The following TCEANC2 variants were observed in gnomAD, a reference collection of about 807,000 sequenced individuals.
TCEANC2 encodes transcription elongation factor A N-terminal and central domain-containing protein 2.
A neutral mutation model predicts 22.8 loss-of-function variants in TCEANC2; 20 were observed. The observed-to-expected ratio is 0.88, with a 90% CI of 0.62 to 1.28. TCEANC2 has a LOEUF of 1.28. TCEANC2 is among the 50% of genes most tolerant of loss of function. The pLI, the probability that TCEANC2 is intolerant of heterozygous loss-of-function variation, is 0.00. For missense variants in TCEANC2, 251 were observed against 249.7 expected (o/e 1.01, Z -0.03); for synonymous variants, 84 against 95.5 (o/e 0.88, Z 0.70).
chr1:54,097,853 C>T lies in TCEANC2; in HGVS notation c.*1380C>T, dbSNP rs1403359490. The T allele has an allele frequency of 1.3e-5, 2 of 152,104 alleles. No homozygotes were observed. Among genetic ancestry groups the T allele is most frequent in the African/African-American group, 4.8e-5 (2 of 41,414 alleles). 9.4% of individuals were successfully genotyped at this position (152,104 alleles called of 1,614,324 possible). On this transcript the variant is annotated 3_prime_UTR_variant, in exon 5 of 5. Transcript: ENST00000234827. ...TTCCTACTGCTAGTAACTATTGGAG[C>T]TAGAATAATAATAATCGAGCGTTTA... is the stretch of plus-strand genomic sequence containing the variant.
chr1:54,088,742 G>T lies in TCEANC2; in HGVS notation c.390G>T (p.Ser130=). The change falls in exon 4 of 5, where the codon TCG becomes TCT. Residue 130 remains serine (S), a synonymous_variant. Coordinates refer to ENST00000234827, the MANE Select transcript of TCEANC2 (RefSeq NM_153035.3). ...IEVRSDPKTE[S]LRKNAQKLLS... is the part of the protein sequence containing the mutation. ...TTAGAAGTGATCCCAAAACCGAGTC[G>T]TTGAGGAAAAATGCTCAGAAATTAC... 6.3e-7 allele frequency: 1 copy of T among 1,599,370 alleles called. No individual in the cohort carries two copies. The highest frequency in any genetic ancestry group is 1.1e-5 in the South Asian group (1 of 88,628).
intron 3 of TCEANC2, among the ~76,000 whole-genome samples, chr1:54,074,568 T>C (rs1388804798): frequency 6.6e-6 from 1 of 152,006 alleles, no homozygotes; most frequent in Non-Finnish European, 1.5e-5. Context: ...TTTAAGGACT[T>C]ATAGAAGAAA....
chr1:54,054,673 T>C (rs774517986), intron 2 of TCEANC2, 149 bp downstream of exon 2: 1 of 769,958 alleles, frequency 1.3e-6, no homozygotes, highest in South Asian at 2.1e-5. Context: ...GTTTCGCCCA[T>C]AGCTGTACAG....
At chr1:54,081,314 G>A (rs1019893093) in intron 3 of TCEANC2, among the ~76,000 whole-genome samples, 4 of 152,052 alleles carry the variant, frequency 2.6e-5, no homozygotes, top group African/African-American at 9.7e-5. Flanking sequence ...CTGCAGCCTC[G>A]AACTCCTGGG....
chr1:54,091,757 C>T (rs2100384256), intron 4 of TCEANC2, among the ~76,000 whole-genome samples: 1 of 152,304 alleles, frequency 6.6e-6, no homozygotes, highest in East Asian at 1.9e-4. Context: ...TGTTCTTCCC[C>T]ATCTTTTAGA....
intron 3 of TCEANC2, among the ~76,000 whole-genome samples, chr1:54,073,090 C>T (rs372136397): frequency 1.3e-5 from 2 of 152,066 alleles, no homozygotes; most frequent in Non-Finnish European, 2.9e-5. Context: ...CTCAGCCTTC[C>T]GAGTAGCTGG....
chr1:54,076,860 TAAAC>T (rs1386376737), intron 3 of TCEANC2, among the ~76,000 whole-genome samples: 1 of 152,140 alleles, frequency 6.6e-6, no homozygotes, highest in African/African-American at 2.4e-5. Flanking sequence ...AGAAACATAA[TAAAC>T]AAATTGTGTA....
At chr1:54,069,997 T>C in intron 3 of TCEANC2, among the ~76,000 whole-genome samples, 1 of 152,206 alleles carries the variant, frequency 6.6e-6, no homozygotes, top group Non-Finnish European at 1.5e-5. Flanking sequence ...ATTGCCTTGG[T>C]CTGCCTCCCC....
chr1:54,068,703 A>G (rs1230571768), intron 2 of TCEANC2, 53 bp from the exon 3 acceptor site: 4 of 1,554,314 alleles, frequency 2.6e-6, no homozygotes, highest in African/African-American at 2.8e-5. Flanking sequence ...GTGAAGGCAG[A>G]TGTCTTTCTA....
At chr1:54,072,695 TC>T (rs1482870017) in intron 3 of TCEANC2, among the ~76,000 whole-genome samples, 3 of 152,238 alleles carry the variant, frequency 2.0e-5, no homozygotes, top group Non-Finnish European at 4.4e-5. Context: ...GGCCTTGGCC[TC>T]CCAAAGTGCT....
chr1:54,109,894 G>A (rs1331393628), downstream of TCEANC2, among the ~76,000 whole-genome samples: 1 of 152,198 alleles, frequency 6.6e-6, no homozygotes, highest in Non-Finnish European at 1.5e-5. Context: ...CATAGCCTGT[G>A]GCAGGTTTAC....
downstream of TCEANC2, among the ~76,000 whole-genome samples, chr1:54,106,554 A>G (rs1658758418): frequency 6.6e-6 from 1 of 152,190 alleles, no homozygotes; most frequent in East Asian, 1.9e-4. Context: ...AGTGCATCTC[A>G]GTTTGGGCTA....
Position 54,096,800 on chromosome 1 carries a change from C to A in TCEANC2, c.*327C>A. 9.6e-7 allele frequency: 1 copy of A among 1,039,756 alleles called. No homozygotes were observed. The highest frequency in any genetic ancestry group is 7.6e-5 in the East Asian group (1 of 13,126). 64.4% of individuals were successfully genotyped at this position (1,039,756 alleles called of 1,614,324 possible). A position where few individuals can be genotyped will look rare whatever the true frequency, so the allele number is the denominator to read the frequency against. ...GCCAAGGACACCTCTAAACTTCCCC[C>A]ATGTCAGTCAGATGAAGTTACTACT... On this transcript the variant is annotated 3_prime_UTR_variant, in exon 5 of 5. Coordinates refer to ENST00000234827, the MANE Select transcript of TCEANC2 (RefSeq NM_153035.3). The surrounding 1 kb of genome is among the most constrained non-coding windows in gnomAD (Gnocchi z 4.9).
At chr1:54,087,361 A>T (rs1229436788) in intron 3 of TCEANC2, among the ~76,000 whole-genome samples, 1 of 152,206 alleles carries the variant, frequency 6.6e-6, no homozygotes, top group Non-Finnish European at 1.5e-5. Flanking sequence ...TAACTCTCAT[A>T]TGCCCTTCAT....
intron 3 of TCEANC2, among the ~76,000 whole-genome samples, chr1:54,080,075 G>A (rs1658208702): frequency 6.6e-6 from 1 of 151,932 alleles, no homozygotes; most frequent in African/African-American, 2.4e-5. Flanking sequence ...GGCTCTGCAA[G>A]AAGGCTCCTG....
At chr1:54,093,733 CTTT>C (rs34379281) in intron 4 of TCEANC2, among the ~76,000 whole-genome samples, 35 of 140,848 alleles carry the variant, frequency 2.5e-4, no homozygotes, top group African/African-American at 4.4e-4. Context: ...TCTCAGAGTA[CTTT>C]TTTTTTTTTT....
At chr1:54,084,564 T>C (rs1472414170) in intron 3 of TCEANC2, among the ~76,000 whole-genome samples, 1 of 152,088 alleles carries the variant, frequency 6.6e-6, no homozygotes, top group East Asian at 1.9e-4. Context: ...AAATGCCCGG[T>C]AAAAGTGTTT....
intron 3 of TCEANC2, among the ~76,000 whole-genome samples, chr1:54,078,948 G>T (rs1009612546): frequency 2.0e-5 from 3 of 152,138 alleles, no homozygotes; most frequent in Admixed American, 2.0e-4. Flanking sequence ...GGGAAGTTGA[G>T]GGCCAACTAG....
Position 54,096,524 on chromosome 1 carries a change from C to G in TCEANC2, c.*51C>G. 6.5e-7 allele frequency: 1 copy of G among 1,549,670 alleles called. No individual in the cohort carries two copies. The highest frequency in any genetic ancestry group is 8.8e-7 in the Non-Finnish European group (1 of 1,140,282). On this transcript the variant is annotated 3_prime_UTR_variant, in exon 5 of 5. Transcript: ENST00000234827. This position sits in a 1 kb window ranked among gnomAD's most constrained non-coding sequence, Gnocchi z 4.9. ...CAGGCAGAGAGGAAAATGGGCCTGT[C>G]TCTGCCGTTCAAAGACGCTTTTGAG...
Sources: allele counts gnomAD v4.1 joint callset (sites outside exome capture counted in the v4.1 genomes callset), GRCh38; gene constraint gnomAD v4.1.1; non-coding constraint Gnocchi (gnomAD v3.1); transcripts MANE v1.5; gene names NCBI Gene and HGNC (gene_info 2026-07-23, HGNC 2026-07-21).